The following FADS2 variants were observed in gnomAD, a reference collection of about 807,000 sequenced individuals.
The protein encoded by FADS2 is acyl-CoA 6-desaturase.
In FADS2, 18 loss-of-function variants were observed where a neutral mutation model predicts 61.2. That is an observed-to-expected ratio of 0.29 (90% CI 0.20 to 0.44). The LOEUF (loss-of-function observed/expected upper bound fraction) is 0.44, where lower values mean the gene tolerates loss of function less well. Among genes scored for constraint, FADS2 ranks in the 20% least tolerant of loss-of-function variants. The probability of loss-of-function intolerance (pLI) is 1.00; values close to 1 mark genes in which losing one functional copy is unlikely to be tolerated. For synonymous variants in FADS2, 203 were observed against 223.9 expected (o/e 0.91, Z 0.83); for missense variants, 322 against 572.7 (o/e 0.56, Z 4.47).
intron 1 of FADS2, chr11:61,817,201 GT>G: frequency 3.4e-6 from 1 of 294,686 alleles, no homozygotes; most frequent in Non-Finnish European, 6.2e-6. Context: ...CGCAGGAAGG[GT>G]GGGCGGGGCC....
At chr11:61,863,507 C>T in intron 9 of FADS2, 129 bp downstream of exon 9, 1 of 820,928 alleles carries the variant, frequency 1.2e-6, no homozygotes, top group Non-Finnish European at 2.0e-6. Context: ...TTGCTGGGAG[C>T]TTCAGGGCTG....
intron 1 of FADS2, among the ~76,000 whole-genome samples, chr11:61,819,730 T>G (rs921334581): frequency 6.6e-6 from 1 of 152,180 alleles, no homozygotes; most frequent in Non-Finnish European, 1.5e-5. Context: ...TTTTATTTTA[T>G]TATACTTTAA....
intron 7 of FADS2, among the ~76,000 whole-genome samples, chr11:61,860,987 T>C (rs1242393781): frequency 6.6e-6 from 1 of 151,936 alleles, no homozygotes; most frequent in Non-Finnish European, 1.5e-5. Flanking sequence ...GGAGGATCAC[T>C]TGAGCACAGG....
chr11:61,865,310 TG>T lies in FADS2; in HGVS notation c.1283+36del, dbSNP rs1236611117. Reference sequence around the variant, plus strand: ...GTGGAGGTCCACAGGCGCTGGGCCCTGGGATCACCCGTGGTGCAGACAGTGG... The same window carrying T: ...GTGGAGGTCCACAGGCGCTGGGCCCTGGATCACCCGTGGTGCAGACAGTGG... On this transcript the variant is annotated intron_variant, in intron 11 of 11. Coordinates refer to ENST00000278840, the MANE Select transcript of FADS2 (RefSeq NM_004265.4). The surrounding 1 kb of genome is among the most constrained non-coding windows in gnomAD (Gnocchi z 4.1). 18 of 1,609,014 alleles carry T rather than the reference TG, an allele frequency of 1.1e-5. No individual in the cohort carries two copies. The Admixed American group carries it at 1.8e-4, about 16-fold the overall frequency.
chr11:61,829,741 G>A (rs1369611702), intron 1 of FADS2, among the ~76,000 whole-genome samples: 2 of 152,212 alleles, frequency 1.3e-5, no homozygotes, highest in Non-Finnish European at 1.5e-5. Flanking sequence ...TGAACTTGAC[G>A]TAGATCATTC....
chr11:61,855,924 C>T (rs2067352905), intron 5 of FADS2: 1 of 152,340 alleles, frequency 6.6e-6, no homozygotes, highest in Non-Finnish European at 1.5e-5. Context: ...GTCCTGGGGT[C>T]AGCACTTGGC....
chr11:61,837,008 T>G (rs2067179966), intron 1 of FADS2, among the ~76,000 whole-genome samples: 1 of 152,258 alleles, frequency 6.6e-6, no homozygotes, highest in Non-Finnish European at 1.5e-5. Context: ...TGCTAAAATA[T>G]TAGCAATAAT....
At chr11:61,844,038 A>G (rs1390607693) in intron 4 of FADS2, among the ~76,000 whole-genome samples, 2 of 152,192 alleles carry the variant, frequency 1.3e-5, no homozygotes, top group African/African-American at 2.4e-5. Context: ...TTAAATAAAG[A>G]TCAGGATGAA....
chr11:61,848,015 G>C, intron 4 of FADS2, 144 bp from the exon 5 acceptor site: 1 of 887,696 alleles, frequency 1.1e-6, no homozygotes, highest in Non-Finnish European at 1.8e-6. Context: ...TCATGGCAGG[G>C]CTGGATTCTG....
In FADS2 at chr11:61,865,124, C is replaced by T. The variant is rs772734208; in HGVS notation, c.1158-28C>T. 33 of 1,603,618 alleles carry T rather than the reference C, an allele frequency of 2.1e-5. No individual in the cohort carries two copies. Among genetic ancestry groups the T allele is most frequent in the Middle Eastern group, 1.7e-4 (1 of 5,812 alleles). ...AGCAGCATGGCCCTCTGAGTCCTCA[C>T]GCTCTGCCCACCCTACACACTCCTC... On this transcript the variant is annotated intron_variant, in intron 10 of 11. Coordinates refer to ENST00000278840, the MANE Select transcript of FADS2 (RefSeq NM_004265.4). The surrounding 1 kb of genome is among the most constrained non-coding windows in gnomAD (Gnocchi z 4.1).
rs2067101045 is a variant in FADS2, at chr11:61,828,412, G to A, written c.22G>A (p.Gly8Ser). ...CAGCATGGGGAAGGGAGGGAACCAG[G>A]GCGAGGGGGCCGCCGAGCGCGAGGT... MGKGGNQ[G>S]EGAAEREVSV... Residue 8 changes from glycine (G) to serine (S), a missense_variant, in exon 1 of 12, where the codon GGC (glycine) becomes AGC (serine). Physicochemically the swap from Gly to Ser is moderately conservative, Grantham distance 56. This residue lies in a region of FADS2 where 61 missense variants were observed against 107.4 expected (regional missense o/e 0.57). Transcript: ENST00000278840. The surrounding 1 kb of genome is among the most constrained non-coding windows in gnomAD (Gnocchi z 6.4). 6.4e-7 allele frequency: 1 copy of A among 1,572,998 alleles called. No homozygotes were observed. The highest frequency in any genetic ancestry group is 8.6e-7 in the Non-Finnish European group (1 of 1,160,084).
intron 4 of FADS2, chr11:61,846,527 A>G (rs2067261598): frequency 6.7e-6 from 1 of 150,154 alleles, no homozygotes; most frequent in South Asian, 2.1e-4. Context: ...ACCCATGGCT[A>G]TTAGTGTCCA....
rs2067472698 is a variant in FADS2, at chr11:61,866,556, G to T, written c.*867G>T. The T allele has an allele frequency of 6.6e-6, 1 of 152,354 alleles. No individual in the cohort carries two copies. The highest frequency in any genetic ancestry group is 1.5e-5 in the Non-Finnish European group (1 of 68,060). The allele number at this position is 152,354 out of a possible 1,614,324, so 9.4% of individuals were successfully genotyped here. A position where few individuals can be genotyped will look rare whatever the true frequency, so the allele number is the denominator to read the frequency against. On this transcript the variant is annotated 3_prime_UTR_variant, in exon 12 of 12. Transcript: ENST00000278840. ...AGGGTGTCCTGAGGTCCAAGATTCT[G>T]GAGCAATCTGACCCTTCTCCAAAGG...
intron 5 of FADS2, chr11:61,849,704 G>A (rs1377761241): frequency 1.3e-5 from 2 of 152,154 alleles, no homozygotes; most frequent in Non-Finnish European, 2.9e-5. Context: ...TTTTATATGT[G>A]TATAAACATG....
intron 8 of FADS2, 49 bp from the exon 9 acceptor site, chr11:61,863,233 T>G: frequency 6.6e-7 from 1 of 1,521,400 alleles, no homozygotes; most frequent in East Asian, 2.3e-5. Context: ...CTGTTCCCAC[T>G]GTGGCTGGGC....
chr11:61,857,463 C>T lies in FADS2; in HGVS notation c.815C>T (p.Pro272Leu), dbSNP rs1470744768. 3.1e-6 allele frequency: 5 copies of T among 1,613,992 alleles called. No individual in the cohort carries two copies. The highest frequency in any genetic ancestry group is 1.1e-5 in the South Asian group (1 of 91,082). Residue 272 changes from proline (P) to leucine (L), a missense_variant, in exon 7 of 12, where the codon CCG becomes CTG. Coordinates refer to ENST00000278840, the MANE Select transcript of FADS2 (RefSeq NM_004265.4). ...TGTCTCTCTCCTGCAGTTGGGCCGC[C>T]GCTGCTCATCCCCATGTATTTCCAG... ...QHEYFFLIGP[P>L]LLIPMYFQYQ...
upstream of FADS2, chr11:61,816,218 C>T (rs1328943497): frequency 3.2e-6 from 5 of 1,577,324 alleles, no homozygotes; most frequent in South Asian, 1.1e-5. This position sits in a 1 kb window ranked among gnomAD's most constrained non-coding sequence, Gnocchi z 7.0. Flanking sequence ...TGCTCTCCTC[C>T]CTCCTAGCCT....
Position 61,865,700 on chromosome 11 carries a change from C to T in FADS2, c.*11C>T. On this transcript the variant is annotated 3_prime_UTR_variant, in exon 12 of 12. Transcript: ENST00000278840. This position sits in a 1 kb window ranked among gnomAD's most constrained non-coding sequence, Gnocchi z 4.1. ...TACCTTCACAAATGAAGCCACAGCC[C>T]CCGGGACACCGTGGGGAAGGGGTGC... is the stretch of plus-strand genomic sequence containing the variant. 6.2e-7 allele frequency: 1 copy of T among 1,608,294 alleles called. No individual in the cohort carries two copies. The highest frequency in any genetic ancestry group is 8.5e-7 in the Non-Finnish European group (1 of 1,176,802).
At chr11:61,856,326 G>A (rs1472183077) in intron 5 of FADS2, 2 of 152,312 alleles carry the variant, frequency 1.3e-5, no homozygotes, top group Non-Finnish European at 2.9e-5. Context: ...GCTCTGATGG[G>A]GAAGAAACCG....
Sources: gnomAD v4.1 joint callset for allele counts (sites outside exome capture counted in the v4.1 genomes callset) on GRCh38, gnomAD v4.1.1 for gene constraint, gnomAD v4.1.1 regional missense constraint, Gnocchi (gnomAD v3.1) non-coding constraint, MANE v1.5 for transcripts, NCBI Gene and HGNC (gene_info 2026-07-23, HGNC 2026-07-21) for gene names.